Variants in MAML2 observed in about 807,000 individuals in gnomAD.
The protein encoded by MAML2 is mastermind-like protein 2.
Under a neutral mutation model 96.1 loss-of-function variants are expected in MAML2, and 22 were observed. The observed-to-expected ratio is 0.23, with a 90% CI of 0.16 to 0.33. The LOEUF is 0.33. Ranked by LOEUF, MAML2 falls within the 10% of genes least tolerant of loss-of-function variation. The pLI, the probability that MAML2 is intolerant of heterozygous loss-of-function variation, is 1.00. For synonymous variants in MAML2, 561 were observed against 521.3 expected, an observed-to-expected ratio of 1.08 and a Z score of -1.04; for missense variants, 1,367 against 1,392.4, an observed-to-expected ratio of 0.98 and a Z score of 0.29.
At chr11:96,229,869 G>A (rs1461769076) in intron 1 of MAML2, among the ~76,000 whole-genome samples, 1 of 152,092 alleles carries the variant, frequency 6.6e-6, no homozygotes, top group Non-Finnish European at 1.5e-5. Context: ...AAAGCAGGAA[G>A]GTGGGTGTGG....
At chr11:96,083,756 G>T (rs1181730473) in intron 2 of MAML2, among the ~76,000 whole-genome samples, 1 of 152,126 alleles carries the variant, frequency 6.6e-6, no homozygotes, top group African/African-American at 2.4e-5. Context: ...GATGTGTTAG[G>T]GGTTGGAATA....
intron 1 of MAML2, among the ~76,000 whole-genome samples, chr11:96,099,259 A>G (rs1380092276): frequency 6.6e-6 from 1 of 152,208 alleles, no homozygotes; most frequent in Non-Finnish European, 1.5e-5. Context: ...GAAAGCTAAT[A>G]TATGACTCTT....
rs147524762 is a variant in MAML2 at position 96,083,087 on chromosome 11, G to C, written c.2139+8805C>G. ...TGTTGGCCTCTGAGAAGTGGCACGT[G>C]GGGTGCAAGGGAGAAAATGAGACAG... On this transcript the variant is annotated intron_variant, in intron 2 of 4. Transcript: ENST00000524717. Among the ~76,000 whole-genome samples the C allele has an allele frequency of 9.8e-5, 15 of 152,320 alleles. No homozygotes were observed. In the East Asian group the frequency reaches 2.9e-3, roughly 29 times the overall value.
At chr11:95,982,529 G>A (rs1254897306) in intron 4 of MAML2, among the ~76,000 whole-genome samples, 3 of 152,154 alleles carry the variant, frequency 2.0e-5, no homozygotes, top group Non-Finnish European at 2.9e-5. Flanking sequence ...TAGGATAGAA[G>A]CCACATGCTG....
rs1565211624 is a variant in MAML2 at position 96,092,232 on chromosome 11, TG to T, written c.1798del (p.Gln600SerfsTer81). 6.5e-7 allele frequency: 1 copy of T among 1,531,376 alleles called. No individual in the cohort carries two copies. Among genetic ancestry groups the T allele is most frequent in the East Asian group, 2.5e-5 (1 of 40,704 alleles). 94.9% of individuals were successfully genotyped at this position (1,531,376 alleles called of 1,614,324 possible). On this transcript the variant is annotated frameshift_variant, in exon 2 of 5. Coordinates refer to ENST00000524717, the MANE Select transcript of MAML2 (RefSeq NM_032427.4). LOFTEE classifies it high-confidence loss of function. The surrounding 1 kb of genome is among the most constrained non-coding windows in gnomAD (Gnocchi z 4.1). The part of the protein sequence containing the change: ...QQQQQQQQQQ[Q>X]QQQQQQQQQQ... ...CTGTTGCTGCTGCTGCTGCTGCTGC[TG>T]CTGCTGCTGCTGCTGCTGTTGCTGC...
intron 1 of MAML2, among the ~76,000 whole-genome samples, chr11:96,254,391 C>CTTT (rs201328694): frequency 5.9e-5 from 8 of 136,068 alleles, no homozygotes; most frequent in East Asian, 2.1e-4. Context: ...TGTTGCAGCT[C>CTTT]TTTTTTTTTT....
chr11:96,205,229 A>G (rs904131945), intron 1 of MAML2, among the ~76,000 whole-genome samples: 3 of 152,212 alleles, frequency 2.0e-5, no homozygotes, highest in South Asian at 2.1e-4. Flanking sequence ...GTTAGTAACA[A>G]TTATTCAGTC....
intron 1 of MAML2, among the ~76,000 whole-genome samples, chr11:96,230,177 T>C (rs1862272675): frequency 1.3e-5 from 2 of 152,184 alleles, no homozygotes; most frequent in Admixed American, 1.3e-4. Flanking sequence ...ATGATGAATA[T>C]GGATAGACCT....
chr11:96,058,954 C>T (rs942220279), intron 2 of MAML2, among the ~76,000 whole-genome samples: 6 of 152,144 alleles, frequency 3.9e-5, no homozygotes, highest in African/African-American at 1.4e-4. Context: ...TGGTGGTGCA[C>T]ACCTATAATC....
At chr11:96,305,183 A>G (rs1863447131) in intron 1 of MAML2, among the ~76,000 whole-genome samples, 2 of 152,244 alleles carry the variant, frequency 1.3e-5, no homozygotes, top group Non-Finnish European at 2.9e-5. Context: ...AAAGATCAGT[A>G]GTTGCCTGCA....
intron 1 of MAML2, among the ~76,000 whole-genome samples, chr11:96,291,504 C>T (rs551174358): frequency 5.9e-5 from 9 of 152,116 alleles, no homozygotes; most frequent in Non-Finnish European, 1.3e-4. Context: ...GGAAAAGTAA[C>T]GTCCAGATGA....
At chr11:96,313,380 G>A (rs1591127528) in intron 1 of MAML2, among the ~76,000 whole-genome samples, 2 of 152,284 alleles carry the variant, frequency 1.3e-5, no homozygotes, top group South Asian at 2.1e-4. Flanking sequence ...GGGCCATTCT[G>A]AGGCTCACTG....
chr11:96,092,210 TTGCTGCTGCTGCTGCTGCTGC>T lies in MAML2; in HGVS notation c.1800_1820del (p.Gln615_Gln621del), dbSNP rs60727839. ...GTTGCTGTTGCTGCTGCTGCTGCTG[TTGCTGCTGCTGCTGCTGCTGC>T]TGCTGCTGCTGCTGCTGCTGTTGCT... On this transcript the variant is annotated inframe_deletion, in exon 2 of 5. Coordinates refer to ENST00000524717, the MANE Select transcript of MAML2 (RefSeq NM_032427.4). This position sits in a 1 kb window ranked among gnomAD's most constrained non-coding sequence, Gnocchi z 4.1. 42 of 1,462,950 alleles carry T rather than the reference TTGCTGCTGCTGCTGCTGCTGC, an allele frequency of 2.9e-5. No homozygotes were observed. Among genetic ancestry groups the T allele is most frequent in the South Asian group, 7.4e-5 (6 of 81,290 alleles). 90.6% of individuals were successfully genotyped at this position (1,462,950 alleles called of 1,614,324 possible).
intron 3 of MAML2, among the ~76,000 whole-genome samples, chr11:95,986,134 A>G (rs1317617008): frequency 6.6e-6 from 1 of 152,154 alleles, no homozygotes; most frequent in African/African-American, 2.4e-5. Context: ...ACAGTGGGGA[A>G]AGCATAGGAG....
intron 2 of MAML2, among the ~76,000 whole-genome samples, chr11:96,021,411 C>G (rs1858433498): frequency 6.6e-6 from 1 of 152,210 alleles, no homozygotes; most frequent in Non-Finnish European, 1.5e-5. Flanking sequence ...ATCATGACCC[C>G]AGCAGATGAA....
intron 1 of MAML2, among the ~76,000 whole-genome samples, chr11:96,202,053 G>A (rs1861830647): frequency 6.6e-6 from 1 of 151,038 alleles, no homozygotes; most frequent in African/African-American, 2.4e-5. Flanking sequence ...TTATGTTTCG[G>A]CCGGGCATGG....
At chr11:96,178,704 T>C (rs1263333208) in intron 1 of MAML2, among the ~76,000 whole-genome samples, 5 of 152,154 alleles carry the variant, frequency 3.3e-5, no homozygotes, top group African/African-American at 7.2e-5. Context: ...CAGCACAATA[T>C]CTTATTAATC....
chr11:96,284,986 A>T (rs2135988093), intron 1 of MAML2, among the ~76,000 whole-genome samples: 1 of 152,342 alleles, frequency 6.6e-6, no homozygotes, highest in South Asian at 2.1e-4. Context: ...GGAGTTGTGC[A>T]GTGCATAGTC....
At chr11:96,263,011 C>A (rs1862772601) in intron 1 of MAML2, among the ~76,000 whole-genome samples, 1 of 152,104 alleles carries the variant, frequency 6.6e-6, no homozygotes, top group Non-Finnish European at 1.5e-5. Context: ...TAAACTGCTT[C>A]CCCGGGAGTT....
Sources: gnomAD v4.1 joint callset for allele counts (sites outside exome capture counted in the v4.1 genomes callset) on GRCh38, gnomAD v4.1.1 for gene constraint, Gnocchi (gnomAD v3.1) non-coding constraint, MANE v1.5 for transcripts, NCBI Gene and HGNC (gene_info 2026-07-23, HGNC 2026-07-21) for gene names.